ALG5: variants seen among roughly 807,000 people sequenced by gnomAD.
ALG5 encodes the protein dolichyl-phosphate beta-glucosyltransferase.
Under a neutral mutation model 51.8 loss-of-function variants are expected in ALG5, and 26 were observed. That is an observed-to-expected ratio of 0.50 (90% CI 0.37 to 0.70). ALG5 has a LOEUF of 0.70. Ranked by LOEUF, ALG5 falls within the 30% of genes least tolerant of loss-of-function variation. The pLI, the probability that ALG5 is intolerant of heterozygous loss-of-function variation, is 0.00. For synonymous variants in ALG5, 141 were observed against 136.1 expected (o/e 1.04, Z -0.25); for missense variants, 311 against 399.3 (o/e 0.78, Z 1.88).
chr13:36,993,720 A>G (rs974150416), intron 3 of ALG5, 48 bp from the exon 4 acceptor site: 3 of 1,457,186 alleles, frequency 2.1e-6, no homozygotes, highest in Non-Finnish European at 2.9e-6. Context: ...AACTGCCATA[A>G]AGTATTCTAA....
intron 9 of ALG5, among the ~76,000 whole-genome samples, 195 bp downstream of exon 9, chr13:36,952,319 G>A (rs560480476): frequency 5.9e-5 from 9 of 152,168 alleles, no homozygotes; most frequent in Admixed American, 2.6e-4. Flanking sequence ...CCCATGAACA[G>A]ACAAAAAATA....
At chr13:36,952,204 A>C (rs950422666) in intron 9 of ALG5, among the ~76,000 whole-genome samples, 1 of 152,236 alleles carries the variant, frequency 6.6e-6, no homozygotes, top group Non-Finnish European at 1.5e-5. Context: ...AAATTTATCT[A>C]TCTCAAAAGA....
chr13:36,959,177 G>A (rs554383737), intron 8 of ALG5, among the ~76,000 whole-genome samples: 1 of 152,284 alleles, frequency 6.6e-6, no homozygotes, highest in South Asian at 2.1e-4. Context: ...CATAGAGGCA[G>A]AGAGTAGAAT....
chr13:36,971,544 G>A (rs900804634), intron 7 of ALG5, among the ~76,000 whole-genome samples: 1 of 149,612 alleles, frequency 6.7e-6, no homozygotes, highest in Non-Finnish European at 1.5e-5. Flanking sequence ...CTACTTGTGA[G>A]GCTGAGGCAG....
chr13:36,988,714 C>T (rs182596809), intron 5 of ALG5, among the ~76,000 whole-genome samples: 1 of 148,868 alleles, frequency 6.7e-6, no homozygotes, highest in African/African-American at 2.6e-5. Context: ...TGACCATTTC[C>T]CTTCTCCTTC....
chr13:36,994,014 A>C (rs547723780), intron 3 of ALG5, among the ~76,000 whole-genome samples: 1 of 152,304 alleles, frequency 6.6e-6, no homozygotes, highest in East Asian at 1.9e-4. Context: ...TGAGGTTTGA[A>C]GTCAGAGAGG....
chr13:36,990,914 C>A (rs1329609390), intron 4 of ALG5, among the ~76,000 whole-genome samples: 1 of 152,216 alleles, frequency 6.6e-6, no homozygotes, highest in Non-Finnish European at 1.5e-5. Flanking sequence ...AAAGTCCCCA[C>A]ATCTCTACCC....
chr13:36,979,289 T>G (rs1593675856), intron 6 of ALG5, among the ~76,000 whole-genome samples: 2 of 152,158 alleles, frequency 1.3e-5, no homozygotes, highest in Admixed American at 6.5e-5. Flanking sequence ...GATGAGCCAC[T>G]GTGCCCGGCC....
chr13:36,995,856 C>T (rs1283623074), intron 1 of ALG5, among the ~76,000 whole-genome samples: 1 of 152,134 alleles, frequency 6.6e-6, no homozygotes, highest in Non-Finnish European at 1.5e-5. Context: ...TCATCATTCG[C>T]CAGGCCTCCA....
intron 6 of ALG5, among the ~76,000 whole-genome samples, chr13:36,982,047 C>T (rs771089236): frequency 4.6e-5 from 7 of 152,132 alleles, no homozygotes; most frequent in African/African-American, 9.7e-5. Flanking sequence ...GCTGAGATTG[C>T]GCCACTGCAC....
intron 8 of ALG5, among the ~76,000 whole-genome samples, chr13:36,956,309 T>C (rs1444851908): frequency 6.6e-6 from 1 of 152,086 alleles, no homozygotes; most frequent in Non-Finnish European, 1.5e-5. Context: ...GAATGGCCAT[T>C]ATAAAAAAGA....
chr13:36,965,840 C>T (rs1012163452), intron 7 of ALG5, 114 bp from the exon 8 acceptor site: 32 of 834,262 alleles, frequency 3.8e-5, no homozygotes, highest in Non-Finnish European at 5.7e-5. Context: ...GTAGATCTTA[C>T]ATAAGAACAC....
intron 7 of ALG5, among the ~76,000 whole-genome samples, chr13:36,969,624 T>C (rs1354846845): frequency 6.6e-6 from 1 of 152,094 alleles, no homozygotes; most frequent in Non-Finnish European, 1.5e-5. Flanking sequence ...AACCTCTGCC[T>C]CCCGGGTTCA....
chr13:36,957,765 C>A (rs1222359300), intron 8 of ALG5, among the ~76,000 whole-genome samples: 1 of 152,116 alleles, frequency 6.6e-6, no homozygotes, highest in Admixed American at 6.5e-5. Flanking sequence ...TAGTTGCAGA[C>A]ATCACCTCCT....
At chr13:36,968,921 T>G (rs73175054) in intron 7 of ALG5, among the ~76,000 whole-genome samples, 4 of 152,316 alleles carry the variant, frequency 2.6e-5, no homozygotes, top group Non-Finnish European at 5.9e-5. Flanking sequence ...TGAGCAGTAG[T>G]TGTCATAGCA....
chr13:36,990,031 T>C (rs1230568108), intron 4 of ALG5, among the ~76,000 whole-genome samples: 1 of 152,202 alleles, frequency 6.6e-6, no homozygotes, highest in Non-Finnish European at 1.5e-5. Flanking sequence ...CCTGACCATT[T>C]CTCCCGAATC....
chr13:36,982,145 TA>T (rs2058982675), intron 6 of ALG5, among the ~76,000 whole-genome samples: 1 of 152,070 alleles, frequency 6.6e-6, no homozygotes, highest in African/African-American at 2.4e-5. Flanking sequence ...ACTGACAGCC[TA>T]AAACAGAGAA....
At chr13:36,954,037 G>T (rs1382036466) in intron 8 of ALG5, among the ~76,000 whole-genome samples, 1 of 149,262 alleles carries the variant, frequency 6.7e-6, no homozygotes, top group Non-Finnish European at 1.5e-5. Context: ...AAAAGAGTGG[G>T]GTGGTTAACT....
chr13:36,987,385 G>A (rs944713155), intron 5 of ALG5, among the ~76,000 whole-genome samples: 6 of 152,168 alleles, frequency 3.9e-5, no homozygotes, highest in African/African-American at 1.4e-4. Context: ...AATGTTGGAG[G>A]TGGGGCCCAG....
Sources: allele counts gnomAD v4.1 joint callset (sites outside exome capture counted in the v4.1 genomes callset), GRCh38; gene constraint gnomAD v4.1.1; transcripts MANE v1.5; gene names NCBI Gene and HGNC (gene_info 2026-07-23, HGNC 2026-07-21).